The following POF1B variants were observed in gnomAD, a reference collection of about 807,000 sequenced individuals.
POF1B encodes protein POF1B.
In POF1B, 53 loss-of-function variants were observed where a neutral mutation model predicts 55.3. The observed-to-expected ratio is 0.96, with a 90% CI of 0.77 to 1.20. The LOEUF (loss-of-function observed/expected upper bound fraction) is 1.20. POF1B is among the 50% of genes most tolerant of loss of function. The pLI is 0.00. For synonymous variants in POF1B, 188 were observed against 148.3 expected (o/e 1.27, Z -1.95); for missense variants, 478 against 420.5 (o/e 1.14, Z -1.20).
At chrX:85,349,937 A>T in intron 5 of POF1B, among the ~76,000 whole-genome samples, 1 of 111,115 alleles carries the variant, frequency 9.0e-6, no homozygotes, top group Non-Finnish European at 1.9e-5. Context: ...ATGAACTGAG[A>T]AGAGCAATAT....
At chrX:85,330,488 G>A (rs1355951145) in intron 7 of POF1B, among the ~76,000 whole-genome samples, 4 of 111,661 alleles carry the variant, frequency 3.6e-5, no homozygotes, top group African/African-American at 1.3e-4. Context: ...GTTATAGTAT[G>A]CCATGCATTT....
intron 7 of POF1B, among the ~76,000 whole-genome samples, chrX:85,320,763 G>T (rs1262540408): frequency 1.8e-5 from 2 of 111,010 alleles, no homozygotes; most frequent in East Asian, 2.8e-4. Context: ...AGGGGATATT[G>T]CCACCAATCC....
intron 6 of POF1B, among the ~76,000 whole-genome samples, chrX:85,340,337 G>A (rs1793838345): frequency 1.8e-5 from 2 of 110,865 alleles, no homozygotes; most frequent in South Asian, 3.8e-4. Context: ...AAAAGGAGAA[G>A]GGCTTCTAGC....
At position 85,278,264 on chromosome X, in the gene POF1B, T is replaced by G. The variant is rs1214660081; in HGVS notation, c.*1157A>C. On this transcript the variant is annotated 3_prime_UTR_variant, in exon 17 of 17. Transcript: ENST00000262753. Reference sequence around the variant, plus strand: ...AATTATAAGGCATTACAGAATTTTATGTGGATACTTGCAAAGATATTTCAG... The same window carrying G: ...AATTATAAGGCATTACAGAATTTTAGGTGGATACTTGCAAAGATATTTCAG... 2 of 110,889 alleles carry G rather than the reference T, an allele frequency of 1.8e-5. No homozygotes were observed. The highest frequency in any genetic ancestry group is 9.6e-5 in the Admixed American group (1 of 10,382). The allele number at this position is 110,889 out of a possible 1,213,427, so 9.1% of individuals were successfully genotyped here.
intron 5 of POF1B, among the ~76,000 whole-genome samples, chrX:85,350,385 G>C (rs1449423634): frequency 1.8e-5 from 2 of 111,527 alleles, no homozygotes; most frequent in Non-Finnish European, 3.8e-5. Context: ...TGGCTGCATA[G>C]TATTCCACGG....
rs147868321 is a variant in POF1B at position 85,317,797 on chromosome X, T to G, written c.855-2063A>C. 4.4e-3 allele frequency among the ~76,000 whole-genome samples: 493 copies of G among 111,710 alleles called. 11 individuals are homozygous for G. The East Asian group carries it at 0.08, about 18-fold the overall frequency. Reference sequence around the variant, plus strand: ...AAGTTCATTGCAGCACTATTCACAATAGCAAAGACATGGAATCAACCTAAA... The same window carrying G: ...AAGTTCATTGCAGCACTATTCACAAGAGCAAAGACATGGAATCAACCTAAA... On this transcript the variant is annotated intron_variant, in intron 7 of 16. Transcript: ENST00000262753.
At chrX:85,283,648 C>G (rs971294772) in intron 15 of POF1B, among the ~76,000 whole-genome samples, 4 of 109,247 alleles carry the variant, frequency 3.7e-5, no homozygotes, top group Non-Finnish European at 7.6e-5. Context: ...ACATAATGAC[C>G]AAATTATTTC....
At chrX:85,375,466 G>T (rs1432958964) in intron 2 of POF1B, among the ~76,000 whole-genome samples, 1 of 111,443 alleles carries the variant, frequency 9.0e-6, no homozygotes, top group Non-Finnish European at 1.9e-5. Flanking sequence ...ATTGCCATGG[G>T]CATTTTCACT....
At chrX:85,299,374 C>T (rs1462207489) in intron 15 of POF1B, among the ~76,000 whole-genome samples, 31 of 104,827 alleles carry the variant, frequency 3.0e-4, no homozygotes, top group Admixed American at 2.0e-3. Context: ...CTGCAAGCTC[C>T]GCCTCCCGGG....
chrX:85,315,881 C>G, intron 7 of POF1B, 147 bp from the exon 8 acceptor site: 4 of 445,822 alleles, frequency 9.0e-6, no homozygotes, highest in Non-Finnish European at 1.0e-5. Flanking sequence ...AATGTTAAAA[C>G]TAAAATGGCA....
chrX:85,292,215 T>G (rs1277829689), intron 15 of POF1B, among the ~76,000 whole-genome samples: 1 of 112,125 alleles, frequency 8.9e-6, no homozygotes, highest in African/African-American at 3.2e-5. Context: ...TGTCTTTAGC[T>G]GTGTTTATGT....
At position 85,307,229 on chromosome X, in the gene POF1B, T is replaced by A; in HGVS notation, c.1098A>T (p.Lys366Asn). Reference protein sequence around the residue: ...KMRLEKDLSFKDTQLKEYEEL... With the variant: ...KMRLEKDLSFNDTQLKEYEEL... ...CTTCGTACTCTTTTAATTGAGTGTC[T>A]TTGAATGATAAATCTTTCTCAAGTC... The change falls in exon 11 of 17, where the codon AAA becomes AAT. Residue 366 changes from lysine to asparagine, a missense_variant. Coordinates refer to ENST00000262753, the MANE Select transcript of POF1B (RefSeq NM_024921.4). The A allele has an allele frequency of 8.3e-7, 1 of 1,204,991 alleles. No homozygotes were observed.
chrX:85,321,311 A>C (rs112718791), intron 7 of POF1B, among the ~76,000 whole-genome samples: 23,127 of 109,889 alleles, frequency 0.21, 2,483 homozygotes, highest in African/African-American at 0.4. Context: ...TAAATGTAAT[A>C]CAGCATATAA....
intron 2 of POF1B, among the ~76,000 whole-genome samples, chrX:85,369,131 C>T (rs1344142858): frequency 5.4e-5 from 6 of 111,928 alleles, no homozygotes; most frequent in Non-Finnish European, 1.9e-5. Context: ...ATATCAACAG[C>T]AATACTGCAG....
Position 85,306,216 on chromosome X carries a change from T to A in POF1B, c.1282A>T (p.Asn428Tyr). ...RLKELEYCKRNLEQENQNLRM... is the reference protein window; with the variant it reads ...RLKELEYCKRYLEQENQNLRM... ...AGGTTTTGATTCTCTTGCTCTAAAT[T>A]ACGTTTACAATATTCCAGTTCTTTT... The change falls in exon 12 of 17, where the codon AAT (asparagine) becomes TAT (tyrosine). Residue 428 changes from asparagine (N) to tyrosine (Y), a missense_variant. Transcript: ENST00000262753. 8.3e-7 allele frequency: 1 copy of A among 1,203,843 alleles called. No homozygotes were observed. Among genetic ancestry groups the A allele is most frequent in the South Asian group, 1.8e-5 (1 of 55,902 alleles).
At chrX:85,347,214 T>C (rs1933290804) in intron 5 of POF1B, among the ~76,000 whole-genome samples, 1 of 111,338 alleles carries the variant, frequency 9.0e-6, no homozygotes, top group Admixed American at 9.6e-5. Flanking sequence ...ATACTGTATT[T>C]TGAATCACAG....
At chrX:85,282,098 GA>G (rs765251262) in intron 16 of POF1B, 104 bp downstream of exon 16, 2 of 942,228 alleles carry the variant, frequency 2.1e-6, no homozygotes, top group Non-Finnish European at 1.3e-6. Flanking sequence ...AATCTCAAAA[GA>G]AAAAAATACT....
chrX:85,298,964 A>T (rs1422906538), intron 15 of POF1B, among the ~76,000 whole-genome samples: 1 of 110,575 alleles, frequency 9.0e-6, no homozygotes, highest in African/African-American at 3.3e-5. Flanking sequence ...AATATACAAC[A>T]ACCTCCAGAA....
chrX:85,312,735 G>T (rs1161170877), intron 9 of POF1B, among the ~76,000 whole-genome samples: 1 of 111,173 alleles, frequency 9.0e-6, no homozygotes, highest in African/African-American at 3.3e-5. Context: ...GCTTGATGGG[G>T]TTAGCACTGA....
Sources: allele counts gnomAD v4.1 joint callset (sites outside exome capture counted in the v4.1 genomes callset), GRCh38; gene constraint gnomAD v4.1.1; transcripts MANE v1.5; gene names NCBI Gene and HGNC (gene_info 2026-07-23, HGNC 2026-07-21).